Variants in PEAK1 observed in about 807,000 individuals in gnomAD.
The protein encoded by PEAK1 is inactive tyrosine-protein kinase PEAK1.
In PEAK1, 54 loss-of-function variants were observed where a neutral mutation model predicts 124.7. The ratio of observed to expected loss-of-function variants is 0.43; its 90% CI spans 0.35 to 0.54. PEAK1 has a LOEUF of 0.54. Among genes scored for constraint, PEAK1 ranks in the 20% least tolerant of loss-of-function variants. PEAK1 has a pLI of 0.01. For missense variants in PEAK1, 2,046 were observed against 2,134.5 expected, an observed-to-expected ratio of 0.96 and a Z score of 0.82; for synonymous variants, 719 against 760.0, an observed-to-expected ratio of 0.95 and a Z score of 0.89.
At chr15:77,369,849 T>C (rs2068522569) in intron 1 of PEAK1, among the ~76,000 whole-genome samples, 1 of 152,168 alleles carries the variant, frequency 6.6e-6, no homozygotes, top group African/African-American at 2.4e-5. Flanking sequence ...CTTCTGGATC[T>C]ACTGTATCCT....
intron 1 of PEAK1, among the ~76,000 whole-genome samples, chr15:77,412,092 CTCAGCCCTTATCAT>C: frequency 6.6e-6 from 1 of 152,116 alleles, no homozygotes; most frequent in East Asian, 1.9e-4. Context: ...ATAACCACAC[CTCAGCCCTTATCAT>C]TATGTGGAAC....
At chr15:77,155,999 G>A (rs948388681) in intron 8 of PEAK1, 1 of 152,466 alleles carries the variant, frequency 6.6e-6, no homozygotes, top group African/African-American at 2.4e-5. Context: ...CCAGCTGCGT[G>A]CTGGGAGAAC....
At chr15:77,254,854 TCA>T (rs1331596615) in intron 5 of PEAK1, among the ~76,000 whole-genome samples, 6 of 152,342 alleles carry the variant, frequency 3.9e-5, no homozygotes, top group East Asian at 1.9e-4. Context: ...ATCTCTGCTC[TCA>T]CAGAGTTTAC....
intron 2 of PEAK1, among the ~76,000 whole-genome samples, chr15:77,287,233 C>T (rs561289388): frequency 2.0e-5 from 3 of 152,290 alleles, no homozygotes; most frequent in African/African-American, 2.4e-5. Flanking sequence ...TCAGTGCCTT[C>T]GGGTCAGAGT....
intron 2 of PEAK1, among the ~76,000 whole-genome samples, chr15:77,339,146 T>C (rs2066382524): frequency 6.6e-6 from 1 of 151,702 alleles, no homozygotes; most frequent in Non-Finnish European, 1.5e-5. Context: ...GGTCTCATTA[T>C]GTCGCCCAGG....
exon 7 of PEAK1, chr15:77,102,118 G>C (rs1279961708): frequency 1.3e-5 from 2 of 152,022 alleles, no homozygotes; most frequent in Non-Finnish European, 2.9e-5. Flanking sequence ...ACTGTAAACA[G>C]GCATTATTTT....
In PEAK1 at chr15:77,290,590, G is replaced by A. The variant is rs2063163285; in HGVS notation, c.-602-4086C>T. On this transcript the variant is annotated intron_variant, in intron 2 of 9. Transcript: ENST00000682557. The stretch of plus-strand genomic sequence containing the variant: ...TTTTTTTTGCTCAGTTGCCCAGACT[G>A]GCAGACTGGAGGGCAGTGGCGTGAC... Among the ~76,000 whole-genome samples, 4 of 151,590 alleles carry A rather than the reference G, an allele frequency of 2.6e-5. No individual in the cohort carries two copies. In the South Asian group the frequency reaches 8.4e-4, roughly 32 times the overall value.
At chr15:77,331,352 A>C (rs1194904652) in intron 2 of PEAK1, among the ~76,000 whole-genome samples, 1 of 151,818 alleles carries the variant, frequency 6.6e-6, no homozygotes, top group African/African-American at 2.4e-5. Flanking sequence ...CTGGTCTCGA[A>C]CTCCTGACCT....
chr15:77,125,954 C>T (rs575066285), intron 9 of PEAK1, among the ~76,000 whole-genome samples: 132 of 152,236 alleles, frequency 8.7e-4, no homozygotes, highest in Non-Finnish European at 1.7e-3. Flanking sequence ...GTGCCAAAGC[C>T]GAGTAGCATT....
At chr15:77,247,383 C>T (rs985010928) in intron 6 of PEAK1, among the ~76,000 whole-genome samples, 46 of 150,836 alleles carry the variant, frequency 3.0e-4, no homozygotes, top group African/African-American at 1.1e-3. Context: ...TCCTAGTTTG[C>T]TGAGATTATT....
intron 9 of PEAK1, among the ~76,000 whole-genome samples, chr15:77,126,480 A>C (rs1322683403): frequency 1.3e-5 from 2 of 152,222 alleles, no homozygotes; most frequent in Non-Finnish European, 2.9e-5. Context: ...TAAGTGCAGA[A>C]CCTATCTAAT....
At chr15:77,420,627 A>AC (rs1370600325), upstream of PEAK1, 1 of 371,548 alleles carries the variant, frequency 2.7e-6, no homozygotes, top group African/African-American at 2.1e-5. Context: ...TTCGCAATAA[A>AC]AAAAAAAAAA....
intron 8 of PEAK1, among the ~76,000 whole-genome samples, chr15:77,152,896 T>G (rs1400404281): frequency 2.0e-5 from 3 of 152,144 alleles, no homozygotes; most frequent in Non-Finnish European, 4.4e-5. Flanking sequence ...TTTGCCAGTA[T>G]TTTATTGAGG....
At chr15:77,371,962 T>C (rs998200467) in intron 1 of PEAK1, among the ~76,000 whole-genome samples, 2 of 152,236 alleles carry the variant, frequency 1.3e-5, no homozygotes, top group African/African-American at 4.8e-5. Flanking sequence ...TCCTAGCACA[T>C]AATGGGTACT....
intron 5 of PEAK1, among the ~76,000 whole-genome samples, chr15:77,263,796 C>T (rs887987175): frequency 7.9e-5 from 12 of 151,994 alleles, no homozygotes; most frequent in Non-Finnish European, 1.8e-4. Context: ...GGCAGAGACA[C>T]AACAACAAAA....
chr15:77,158,529 G>A lies in PEAK1; in HGVS notation c.3305C>T (p.Pro1102Leu), dbSNP rs774346965. 8.1e-6 allele frequency: 13 copies of A among 1,614,016 alleles called. No homozygotes were observed. Among genetic ancestry groups the A allele is most frequent in the Middle Eastern group, 3.3e-4 (2 of 6,078 alleles). The change falls in exon 8 of 10, where the codon CCT becomes CTT. Residue 1102 changes from proline to leucine, a missense_variant. Physicochemically the swap from Pro to Leu is moderately conservative, Grantham distance 98 (BLOSUM62 -3). Transcript: ENST00000682557. ...TAAGTTGCTGTATGTTGCACTACAA[G>A]GGTTCGGGTCCATAGGATCTGAAAT... ...EDISDPMDPN[P>L]CSATYSNLGQ...
chr15:77,261,679 C>G (rs530569981), intron 5 of PEAK1, among the ~76,000 whole-genome samples: 9 of 152,294 alleles, frequency 5.9e-5, no homozygotes, highest in African/African-American at 2.2e-4. Flanking sequence ...ACTTGGAAAA[C>G]ACTCTGCAGG....
intron 6 of PEAK1, among the ~76,000 whole-genome samples, chr15:77,242,586 A>G (rs2060406729): frequency 6.6e-6 from 1 of 152,184 alleles, no homozygotes; most frequent in South Asian, 2.1e-4. Flanking sequence ...ATAAAGTATT[A>G]GAGTTAAGAG....
intron 6 of PEAK1, among the ~76,000 whole-genome samples, chr15:77,240,562 C>T (rs190424649): frequency 2.1e-4 from 32 of 150,732 alleles, no homozygotes; most frequent in African/African-American, 7.3e-4. Context: ...TTGAGGGTGC[C>T]GTGAGCCTGG....
Sources: gnomAD v4.1 joint callset for allele counts (sites outside exome capture counted in the v4.1 genomes callset) on GRCh38, gnomAD v4.1.1 for gene constraint, MANE v1.5 for transcripts, NCBI Gene and HGNC (gene_info 2026-07-23, HGNC 2026-07-21) for gene names.